The following PDE1C variants were observed in gnomAD, a reference collection of about 807,000 sequenced individuals.
PDE1C encodes the protein dual specificity calcium/calmodulin-dependent 3',5'-cyclic nucleotide phosphodiesterase 1C.
A neutral mutation model predicts 93.1 loss-of-function variants in PDE1C; 62 were observed. The ratio of observed to expected loss-of-function variants is 0.67; its 90% CI spans 0.54 to 0.82. The LOEUF is 0.82. Among genes scored for constraint, PDE1C ranks in the 40% least tolerant of loss-of-function variants. PDE1C has a pLI of 0.00. For synonymous variants in PDE1C, 325 were observed against 310.1 expected, an observed-to-expected ratio of 1.05 and a Z score of -0.50; for missense variants, 742 against 884.6, an observed-to-expected ratio of 0.84 and a Z score of 2.04.
chr7:32,382,123 T>G (rs1229109287), intron 1 of PDE1C, among the ~76,000 whole-genome samples: 1 of 152,170 alleles, frequency 6.6e-6, no homozygotes, highest in African/African-American at 2.4e-5. Context: ...GAACCAGGAT[T>G]TGAACCCAGG....
At chr7:32,179,206 A>G (rs1803214724) in intron 2 of PDE1C, among the ~76,000 whole-genome samples, 1 of 151,052 alleles carries the variant, frequency 6.6e-6, no homozygotes. Flanking sequence ...GAAACAGACA[A>G]TTTTTTACAT....
chr7:32,224,249 T>A (rs1807087532), intron 1 of PDE1C, among the ~76,000 whole-genome samples: 1 of 152,160 alleles, frequency 6.6e-6, no homozygotes, highest in Non-Finnish European at 1.5e-5. Flanking sequence ...GGCACATGCC[T>A]GTAATCCCAG....
At chr7:31,764,173 C>T (rs935103350) in intron 17 of PDE1C, among the ~76,000 whole-genome samples, 4 of 151,994 alleles carry the variant, frequency 2.6e-5, no homozygotes, top group Admixed American at 6.6e-5. Flanking sequence ...GTTTTTAAGA[C>T]GGAGTCTTGA....
chr7:32,008,572 G>T (rs1468938943), intron 2 of PDE1C, among the ~76,000 whole-genome samples: 1 of 152,038 alleles, frequency 6.6e-6, no homozygotes, highest in East Asian at 1.9e-4. Context: ...TGAAAATCTG[G>T]TTCAAATTAA....
At chr7:31,796,303 A>G (rs762135193) in intron 16 of PDE1C, among the ~76,000 whole-genome samples, 5 of 151,530 alleles carry the variant, frequency 3.3e-5, no homozygotes, top group Non-Finnish European at 7.4e-5. Context: ...GTACATATAT[A>G]TGTGTATGTG....
At chr7:31,667,064 A>T in the PDE1C span, among the ~76,000 whole-genome samples, 2 of 152,120 alleles carry the variant, frequency 1.3e-5, no homozygotes, top group African/African-American at 4.8e-5. Flanking sequence ...AGCATTAGGG[A>T]CATGGATACG....
intron 1 of PDE1C, among the ~76,000 whole-genome samples, chr7:32,368,035 A>G (rs549063836): frequency 1.3e-5 from 2 of 152,258 alleles, no homozygotes; most frequent in African/African-American, 2.4e-5. Context: ...TAAAGGCTAT[A>G]TATAACAAAT....
intron 2 of PDE1C, among the ~76,000 whole-genome samples, chr7:31,969,438 C>G (rs1215150802): frequency 2.0e-5 from 3 of 152,018 alleles, no homozygotes; most frequent in East Asian, 1.9e-4. Context: ...AAAACCACAA[C>G]GAGATACCAT....
chr7:32,330,182 C>T (rs1284643968), intron 1 of PDE1C, among the ~76,000 whole-genome samples: 2 of 152,254 alleles, frequency 1.3e-5, no homozygotes, highest in African/African-American at 4.8e-5. Context: ...TATCTTTAAT[C>T]CTCACAATGA....
chr7:31,987,953 G>A (rs1783636255), intron 2 of PDE1C, among the ~76,000 whole-genome samples: 1 of 152,170 alleles, frequency 6.6e-6, no homozygotes. Context: ...GGCCATCGCT[G>A]GCTCTCTGGC....
chr7:32,317,390 G>A (rs901305187), intron 1 of PDE1C, among the ~76,000 whole-genome samples: 3 of 152,084 alleles, frequency 2.0e-5, no homozygotes, highest in Non-Finnish European at 4.4e-5. Context: ...TGGATATGAG[G>A]TCTAAATGGA....
chr7:32,109,737 C>A (rs149364884), intron 3 of PDE1C, among the ~76,000 whole-genome samples: 26 of 152,106 alleles, frequency 1.7e-4, no homozygotes, highest in Middle Eastern at 3.4e-3. Flanking sequence ...GCTCTCTCTG[C>A]TTGGTAGAAT....
At position 31,931,166 on chromosome 7, in the gene PDE1C, G is replaced by A. The variant is rs527549328; in HGVS notation, c.129-50306C>T. On this transcript the variant is annotated intron_variant, in intron 2 of 17. Coordinates refer to ENST00000396191, the MANE Select transcript of PDE1C (RefSeq NM_001191057.4). ...GGTAAAAGCTGGAAGCATTCCCTTT[G>A]AAAACTGGCACAAGACAAGGATGCC... 2.6e-5 allele frequency among the ~76,000 whole-genome samples: 4 copies of A among 152,240 alleles called. No homozygotes were observed. The South Asian group carries it at 8.3e-4, about 32-fold the overall frequency.
At chr7:31,714,981 T>C in the PDE1C span, among the ~76,000 whole-genome samples, 1 of 152,196 alleles carries the variant, frequency 6.6e-6, no homozygotes, top group African/African-American at 2.4e-5. Context: ...CTTTGGCATC[T>C]AAGGCATCTG....
intron 17 of PDE1C, among the ~76,000 whole-genome samples, chr7:31,755,677 C>G (rs977499881): frequency 3.3e-5 from 5 of 151,780 alleles, no homozygotes; most frequent in East Asian, 3.8e-4. Context: ...AATTGAGCAA[C>G]AAAATAAACA....
chr7:32,046,599 C>T (rs1045121264), intron 2 of PDE1C, among the ~76,000 whole-genome samples: 7 of 152,020 alleles, frequency 4.6e-5, no homozygotes, highest in Non-Finnish European at 8.8e-5. Context: ...TAGCAATATA[C>T]TATAGTAAGT....
intron 2 of PDE1C, among the ~76,000 whole-genome samples, chr7:32,002,313 G>A (rs1165688429): frequency 6.6e-6 from 1 of 152,162 alleles, no homozygotes; most frequent in African/African-American, 2.4e-5. Flanking sequence ...TCTACAGGGA[G>A]CACACGCAGG....
intron 15 of PDE1C, among the ~76,000 whole-genome samples, chr7:31,811,773 G>A (rs1256373438): frequency 6.6e-6 from 1 of 152,078 alleles, no homozygotes; most frequent in East Asian, 1.9e-4. Context: ...GATGGTTCCT[G>A]TTCTCAGCCA....
intron 3 of PDE1C, among the ~76,000 whole-genome samples, chr7:32,112,273 T>C (rs1798683968): frequency 6.6e-6 from 1 of 152,082 alleles, no homozygotes; most frequent in Non-Finnish European, 1.5e-5. Flanking sequence ...TCTTCCTTCA[T>C]CTTTTTTCAT....
Sources: gnomAD v4.1 joint callset for allele counts (sites outside exome capture counted in the v4.1 genomes callset) on GRCh38, gnomAD v4.1.1 for gene constraint, MANE v1.5 for transcripts, NCBI Gene and HGNC (gene_info 2026-07-23, HGNC 2026-07-21) for gene names.